Variants in DLC1 observed in about 807,000 individuals in gnomAD.
DLC1 encodes the protein rho GTPase-activating protein 7.
In DLC1, 54 loss-of-function variants were observed where a neutral mutation model predicts 140.3. The observed-to-expected ratio is 0.38, with a 90% CI of 0.31 to 0.48. The LOEUF is 0.48. Among genes scored for constraint, DLC1 ranks in the 20% least tolerant of loss-of-function variants. DLC1 has a pLI of 0.96. For missense variants in DLC1, 2,536 were observed against 1,907.0 expected (o/e 1.33, Z -6.14); for synonymous variants, 986 against 728.1 (o/e 1.35, Z -5.70).
At chr8:13,134,292 C>G (rs568595719) in intron 5 of DLC1, among the ~76,000 whole-genome samples, 2 of 152,300 alleles carry the variant, frequency 1.3e-5, no homozygotes, top group East Asian at 3.9e-4. Flanking sequence ...GCAAGGAAGA[C>G]TACTGAACTA....
chr8:13,190,641 C>T (rs1826694929), intron 5 of DLC1, among the ~76,000 whole-genome samples: 5 of 152,086 alleles, frequency 3.3e-5, no homozygotes, highest in Admixed American at 3.3e-4. Flanking sequence ...ACTTAAGATG[C>T]AGTTATGTTT....
At chr8:13,402,713 C>G (rs1837352961) in intron 2 of DLC1, among the ~76,000 whole-genome samples, 1 of 152,156 alleles carries the variant, frequency 6.6e-6, no homozygotes, top group Non-Finnish European at 1.5e-5. Flanking sequence ...TGAGGGTTCA[C>G]TTTGGTGATG....
chr8:13,306,367 C>G (rs536474013), intron 4 of DLC1, among the ~76,000 whole-genome samples: 6 of 152,282 alleles, frequency 3.9e-5, no homozygotes, highest in South Asian at 2.1e-4. Context: ...TCTCATTCAT[C>G]TCAGTTACTC....
chr8:13,417,669 A>G (rs1265706877), intron 2 of DLC1, among the ~76,000 whole-genome samples: 2 of 152,176 alleles, frequency 1.3e-5, no homozygotes, highest in Non-Finnish European at 1.5e-5. Flanking sequence ...CGCAATAAAC[A>G]TACGTCTGCA....
chr8:13,468,748 T>C (rs1312844278), intron 2 of DLC1, among the ~76,000 whole-genome samples: 1 of 151,450 alleles, frequency 6.6e-6, no homozygotes, highest in Non-Finnish European at 1.5e-5. Flanking sequence ...CATTTATCTG[T>C]AGAGTTTTCA....
At chr8:13,518,043 C>G (rs116744948), upstream of DLC1, among the ~76,000 whole-genome samples, 699 of 152,188 alleles carry the variant, frequency 4.6e-3, 8 homozygotes, top group African/African-American at 0.016. Context: ...ATTATGTACT[C>G]TGTGGAAAGA....
intron 5 of DLC1, among the ~76,000 whole-genome samples, chr8:13,198,225 G>A (rs533612346): frequency 1.2e-3 from 177 of 152,304 alleles, no homozygotes; most frequent in African/African-American, 4.2e-3. Flanking sequence ...TAAAATATGT[G>A]ATAAGGCAAA....
intron 5 of DLC1, among the ~76,000 whole-genome samples, chr8:13,278,868 G>T (rs900367585): frequency 6.6e-6 from 1 of 152,194 alleles, no homozygotes; most frequent in African/African-American, 2.4e-5. Flanking sequence ...CAGAGATCAT[G>T]TATAGGTATT....
chr8:13,297,554 T>A (rs1832013472), intron 5 of DLC1, among the ~76,000 whole-genome samples: 1 of 152,052 alleles, frequency 6.6e-6, no homozygotes, highest in Non-Finnish European at 1.5e-5. Context: ...TTGCTGATTT[T>A]TACAATAATA....
intron 4 of DLC1, among the ~76,000 whole-genome samples, chr8:13,323,401 A>T (rs1331971091): frequency 6.6e-6 from 1 of 152,184 alleles, no homozygotes; most frequent in Non-Finnish European, 1.5e-5. Flanking sequence ...AAAATTAAAA[A>T]TTTCTCCTGC....
At chr8:13,281,196 G>C (rs918091950) in intron 5 of DLC1, among the ~76,000 whole-genome samples, 2 of 152,174 alleles carry the variant, frequency 1.3e-5, no homozygotes, top group Non-Finnish European at 2.9e-5. Context: ...TAGTGCATTT[G>C]CTCTGGCAAC....
intron 2 of DLC1, among the ~76,000 whole-genome samples, chr8:13,488,403 A>G (rs1204918054): frequency 6.6e-6 from 1 of 152,244 alleles, no homozygotes; most frequent in African/African-American, 2.4e-5. Flanking sequence ...TAAAGCCAGC[A>G]TCATTTTCAG....
intron 2 of DLC1, among the ~76,000 whole-genome samples, chr8:13,404,680 A>T (rs576798670): frequency 6.6e-6 from 1 of 152,186 alleles, no homozygotes; most frequent in African/African-American, 2.4e-5. Context: ...GGTAAATTTT[A>T]GTATGAATTG....
At chr8:13,188,896 G>A (rs2117015625) in intron 5 of DLC1, among the ~76,000 whole-genome samples, 1 of 131,086 alleles carries the variant, frequency 7.6e-6, no homozygotes, top group Middle Eastern at 4.6e-3. Context: ...TCATCATGTT[G>A]GCCAGGCTGG....
At position 13,170,904 on chromosome 8, in the gene DLC1, G is replaced by A. The variant is rs1011383400; in HGVS notation, c.1349-55247C>T. Among the ~76,000 whole-genome samples, 5 of 152,216 alleles carry A rather than the reference G, an allele frequency of 3.3e-5. No homozygotes were observed. In the East Asian group the frequency reaches 9.7e-4, roughly 29 times the overall value. Reference sequence around the variant, plus strand: ...TTTAACCTGGGTAGTTAGCCTAAAGGTCTAACCTTGCATGATCTTGCTCAA... The same window carrying A: ...TTTAACCTGGGTAGTTAGCCTAAAGATCTAACCTTGCATGATCTTGCTCAA... On this transcript the variant is annotated intron_variant, in intron 5 of 17. Coordinates refer to ENST00000276297, the MANE Select transcript of DLC1 (RefSeq NM_182643.3).
rs557707611 is a variant in DLC1 at position 13,531,703 on chromosome 8, C to T, written c.-125-31507G>A. 4.9e-4 allele frequency among the ~76,000 whole-genome samples: 75 copies of T among 152,196 alleles called. 1 individual carries two copies. In the South Asian group the frequency reaches 0.015, roughly 31 times the overall value. On this transcript the variant is annotated intron_variant, in intron 1 of 1. Transcript: ENST00000631382. ...TTCTTCTCTCTTGCTAATAAATTTCCTGGGGGAAAGTCAATTAAGATGGGT... is the reference window on the plus strand; with the variant it reads ...TTCTTCTCTCTTGCTAATAAATTTCTTGGGGGAAAGTCAATTAAGATGGGT...
chr8:13,472,393 C>A (rs11776466), intron 2 of DLC1, among the ~76,000 whole-genome samples: 59,648 of 152,034 alleles, frequency 0.39, 12,057 homozygotes, highest in East Asian at 0.45. Flanking sequence ...AGATATATTT[C>A]TGTTTTTATC....
chr8:13,266,524 C>A (rs1830694480), intron 5 of DLC1, among the ~76,000 whole-genome samples: 1 of 152,094 alleles, frequency 6.6e-6, no homozygotes, highest in African/African-American at 2.4e-5. Context: ...GCAGGAGGAT[C>A]ATTTGAGGTC....
intron 15 of DLC1, among the ~76,000 whole-genome samples, chr8:13,089,857 A>G (rs1476921013): frequency 6.6e-6 from 1 of 152,192 alleles, no homozygotes; most frequent in Non-Finnish European, 1.5e-5. Context: ...CCCGCTCATT[A>G]AAGGGCCAAG....
Sources: gnomAD v4.1 joint callset for allele counts (sites outside exome capture counted in the v4.1 genomes callset) on GRCh38, gnomAD v4.1.1 for gene constraint, MANE v1.5 for transcripts, NCBI Gene and HGNC (gene_info 2026-07-23, HGNC 2026-07-21) for gene names.